Variants in RHOG observed in about 807,000 individuals in gnomAD.
The protein encoded by RHOG is rho-related GTP-binding protein RhoG.
Under a neutral mutation model 12.3 loss-of-function variants are expected in RHOG, and 1 was observed. That is an observed-to-expected ratio of 0.08 (90% CI 0.03 to 0.39). The LOEUF is 0.39. RHOG is among the 10% of genes least tolerant of loss of function. The probability of loss-of-function intolerance (pLI) is 0.99; values close to 1 mark genes in which losing one functional copy is unlikely to be tolerated. For synonymous variants in RHOG, 129 were observed against 116.0 expected (o/e 1.11, Z -0.72); for missense variants, 114 against 266.2 (o/e 0.43, Z 3.98).
At chr11:3,835,197 G>T (rs1343278087) in intron 1 of RHOG, among the ~76,000 whole-genome samples, 1 of 152,158 alleles carries the variant, frequency 6.6e-6, no homozygotes, top group African/African-American at 2.4e-5. Flanking sequence ...ACCCTAAGCT[G>T]AGCACACCAT....
chr11:3,828,649 A>T (rs2090104193), intron 1 of RHOG, among the ~76,000 whole-genome samples: 1 of 137,926 alleles, frequency 7.3e-6, no homozygotes, highest in African/African-American at 2.8e-5. Flanking sequence ...TTTGAGACAG[A>T]GTCTCACTCT....
intron 1 of RHOG, chr11:3,840,539 C>CG (rs60619732): frequency 6.0e-5 from 9 of 149,986 alleles, no homozygotes; most frequent in East Asian, 2.0e-4. Context: ...TCTCAACACC[C>CG]CCCCCACCAA....
chr11:3,830,211 C>T (rs2090118440), intron 1 of RHOG, among the ~76,000 whole-genome samples: 2 of 152,164 alleles, frequency 1.3e-5, no homozygotes, highest in Admixed American at 6.5e-5. Context: ...TCATTAAGAA[C>T]ATAGATGCTA....
intron 1 of RHOG, among the ~76,000 whole-genome samples, chr11:3,840,243 C>G (rs868609777): frequency 5.9e-5 from 9 of 152,266 alleles, no homozygotes; most frequent in Non-Finnish European, 1.0e-4. Context: ...GGAACAGCGT[C>G]TGCTCACTAA....
intron 1 of RHOG, among the ~76,000 whole-genome samples, chr11:3,831,685 G>A (rs2090129609): frequency 1.3e-5 from 2 of 152,222 alleles, no homozygotes; most frequent in Admixed American, 6.5e-5. Flanking sequence ...AGAGCACTAG[G>A]TGGATGAACT....
At chr11:3,836,926 A>C (rs1016168311) in intron 1 of RHOG, among the ~76,000 whole-genome samples, 1 of 148,520 alleles carries the variant, frequency 6.7e-6, no homozygotes, top group Non-Finnish European at 1.5e-5. Flanking sequence ...AAAAAAAAAA[A>C]AAAAAGCTGA....
At chr11:3,832,838 G>T (rs2090138303) in intron 1 of RHOG, among the ~76,000 whole-genome samples, 1 of 152,202 alleles carries the variant, frequency 6.6e-6, no homozygotes, top group South Asian at 2.1e-4. Context: ...AACCAGGAGT[G>T]TGACCTATCT....
chr11:3,839,063 G>T (rs150200565), intron 1 of RHOG, among the ~76,000 whole-genome samples: 1 of 152,160 alleles, frequency 6.6e-6, no homozygotes, highest in Non-Finnish European at 1.5e-5. Context: ...TTTTGCCTCC[G>T]CCGCTTCTTA....
At chr11:3,829,447 C>T (rs973638473) in intron 1 of RHOG, among the ~76,000 whole-genome samples, 6 of 151,674 alleles carry the variant, frequency 4.0e-5, no homozygotes, top group African/African-American at 9.7e-5. Flanking sequence ...GATGGAGTTT[C>T]GCCGTGTTAG....
intron 1 of RHOG, among the ~76,000 whole-genome samples, chr11:3,832,623 C>A (rs1169547834): frequency 6.6e-6 from 1 of 152,202 alleles, no homozygotes; most frequent in African/African-American, 2.4e-5. Flanking sequence ...ACTGAGTATG[C>A]CTGTATCTGT....
At chr11:3,834,434 T>TATA (rs2090145692) in intron 1 of RHOG, among the ~76,000 whole-genome samples, 1 of 152,172 alleles carries the variant, frequency 6.6e-6, no homozygotes, top group Admixed American at 6.5e-5. Context: ...CACTGAGATA[T>TATA]GGAGAGACTT....
intron 1 of RHOG, among the ~76,000 whole-genome samples, chr11:3,831,211 G>A (rs1319062404): frequency 6.6e-6 from 1 of 152,058 alleles, no homozygotes; most frequent in Non-Finnish European, 1.5e-5. Flanking sequence ...AATGACAAGT[G>A]GGGAAGAAAA....
intron 1 of RHOG, among the ~76,000 whole-genome samples, chr11:3,836,477 T>A: frequency 6.6e-6 from 1 of 151,036 alleles, no homozygotes; most frequent in Middle Eastern, 3.2e-3. Context: ...AAGAGAAGAG[T>A]TGATGCCACC....
Position 3,839,227 on chromosome 11 carries a change from G to A in RHOG, c.-69+1667C>T, listed in dbSNP as rs575205482. Among the ~76,000 whole-genome samples the A allele has an allele frequency of 4.6e-5, 7 of 152,170 alleles. No homozygotes were observed. The South Asian group carries it at 8.3e-4, about 18-fold the overall frequency. On this transcript the variant is annotated intron_variant, in intron 1 of 1. Transcript: ENST00000351018. ...GTCAGGGACCTTCAGGCTGTCTTCCGGCTTCTAGGCCTGGCCTCTTGGTCA... is the reference window on the plus strand; with the variant it reads ...GTCAGGGACCTTCAGGCTGTCTTCCAGCTTCTAGGCCTGGCCTCTTGGTCA...
At chr11:3,833,261 G>C (rs2090140598) in intron 1 of RHOG, among the ~76,000 whole-genome samples, 1 of 151,900 alleles carries the variant, frequency 6.6e-6, no homozygotes, top group African/African-American at 2.4e-5. Flanking sequence ...CACCACACCT[G>C]GCTAATTTTT....
chr11:3,837,412 A>G (rs2090164084), intron 1 of RHOG, among the ~76,000 whole-genome samples: 1 of 151,426 alleles, frequency 6.6e-6, no homozygotes, highest in African/African-American at 2.4e-5. Flanking sequence ...AAAGGGCAGT[A>G]CTATCCCTGG....
At chr11:3,840,315 C>A (rs2090183302) in intron 1 of RHOG, among the ~76,000 whole-genome samples, 1 of 152,140 alleles carries the variant, frequency 6.6e-6, no homozygotes, top group African/African-American at 2.4e-5. Context: ...CAGACAACGA[C>A]TGGGGTCGGC....
At chr11:3,836,617 A>G (rs1215723729) in intron 1 of RHOG, among the ~76,000 whole-genome samples, 1 of 151,456 alleles carries the variant, frequency 6.6e-6, no homozygotes, top group African/African-American at 2.4e-5. Context: ...GGTGAGCCTC[A>G]GCTGGGCATG....
intron 1 of RHOG, among the ~76,000 whole-genome samples, chr11:3,838,972 A>C (rs1281580792): frequency 6.6e-6 from 1 of 152,152 alleles, no homozygotes; most frequent in Non-Finnish European, 1.5e-5. Context: ...CTTCCTGGTC[A>C]CTAAGGCCCT....
Sources: allele counts gnomAD v4.1 joint callset (sites outside exome capture counted in the v4.1 genomes callset), GRCh38; gene constraint gnomAD v4.1.1; transcripts MANE v1.5; gene names NCBI Gene and HGNC (gene_info 2026-07-23, HGNC 2026-07-21).